PDE3B: variants seen among roughly 807,000 people sequenced by gnomAD.
PDE3B encodes cGMP-inhibited 3',5'-cyclic phosphodiesterase 3B.
Under a neutral mutation model 116.8 loss-of-function variants are expected in PDE3B, and 66 were observed. The ratio of observed to expected loss-of-function variants is 0.56; its 90% CI spans 0.46 to 0.69. PDE3B has a LOEUF of 0.69. PDE3B is among the 30% of genes least tolerant of loss of function. PDE3B has a pLI of 0.00. For missense variants in PDE3B, 1,384 were observed against 1,368.1 expected, an observed-to-expected ratio of 1.01 and a Z score of -0.18; for synonymous variants, 595 against 533.6, an observed-to-expected ratio of 1.12 and a Z score of -1.59.
chr11:14,644,022 CGCTACGGTACGAGCGG>C lies in PDE3B; in HGVS notation c.-52_-37del. 7.2e-7 allele frequency: 1 copy of C among 1,392,254 alleles called. No individual in the cohort carries two copies. The highest frequency in any genetic ancestry group is 9.2e-7 in the Non-Finnish European group (1 of 1,082,096). 86.2% of individuals were successfully genotyped at this position (1,392,254 alleles called of 1,614,324 possible). ...GTTGGGGTCTGGGAGCGCGAGCGGC[CGCTACGGTACGAGCGG>C]GGTGTGCTGAGTCCCGTGGCCACCC... On this transcript the variant is annotated 5_prime_UTR_variant, in exon 1 of 16. Coordinates refer to ENST00000282096, the MANE Select transcript of PDE3B (RefSeq NM_000922.4).
At chr11:14,713,359 A>G (rs1161718495) in intron 1 of PDE3B, among the ~76,000 whole-genome samples, 2 of 152,294 alleles carry the variant, frequency 1.3e-5, no homozygotes, top group Admixed American at 6.5e-5. Context: ...CTGAGTTTCT[A>G]TGAGAGTGTT....
chr11:14,869,502 C>G lies in PDE3B; in HGVS notation c.3181C>G (p.Leu1061Val). The change falls in exon 16 of 16, where the codon CTA (leucine) becomes GTA (valine). Residue 1061 changes from leucine (L) to valine (V), a missense_variant. This residue lies in a region of PDE3B where 428 missense variants were observed against 561.4 expected (regional missense o/e 0.76). Coordinates refer to ENST00000282096, the MANE Select transcript of PDE3B (RefSeq NM_000922.4). ...RKSRRRIFCQ[L>V]MHHLTENHKI... ...AAGCAGACGGCGAATATTTTGTCAG[C>G]TAATGCACCACCTCACTGAAAACCA... 1.2e-6 allele frequency: 2 copies of G among 1,613,140 alleles called. No individual in the cohort carries two copies. Among genetic ancestry groups the G allele is most frequent in the South Asian group, 2.2e-5 (2 of 90,958 alleles).
At chr11:14,664,599 C>T (rs190544651) in intron 1 of PDE3B, among the ~76,000 whole-genome samples, 2 of 152,224 alleles carry the variant, frequency 1.3e-5, no homozygotes, top group African/African-American at 4.8e-5. Flanking sequence ...CCACCAATCC[C>T]ACAGAAATAC....
chr11:14,760,492 A>G (rs558587017), intron 1 of PDE3B, among the ~76,000 whole-genome samples: 32 of 152,340 alleles, frequency 2.1e-4, no homozygotes, highest in Non-Finnish European at 4.3e-4. Context: ...ATTAGTAAAC[A>G]GTTCCTGTAC....
intron 1 of PDE3B, among the ~76,000 whole-genome samples, chr11:14,646,067 A>G (rs955084003): frequency 2.6e-5 from 4 of 152,208 alleles, no homozygotes; most frequent in African/African-American, 9.6e-5. Flanking sequence ...TTGAGTTTTC[A>G]GTGCTGTGTT....
At chr11:14,834,501 G>T (rs1859993470) in intron 10 of PDE3B, among the ~76,000 whole-genome samples, 1 of 152,148 alleles carries the variant, frequency 6.6e-6, no homozygotes, top group Non-Finnish European at 1.5e-5. Flanking sequence ...GATCATATAT[G>T]ATGTGTCAGA....
At chr11:14,696,265 G>A (rs1855204935) in intron 1 of PDE3B, among the ~76,000 whole-genome samples, 1 of 152,138 alleles carries the variant, frequency 6.6e-6, no homozygotes. Context: ...GATCAGTGAT[G>A]TTGAGCTGTT....
chr11:14,834,853 A>T, intron 10 of PDE3B, 129 bp from the exon 11 acceptor site: 1 of 491,618 alleles, frequency 2.0e-6, no homozygotes, highest in Non-Finnish European at 3.7e-6. Flanking sequence ...CTTTAGATGA[A>T]ATAAAATTCA....
At chr11:14,890,534 A>ATTC in the PDE3B span, 2 of 170,268 alleles carry the variant, frequency 1.2e-5, no homozygotes, top group Non-Finnish European at 1.6e-5. Flanking sequence ...ACCTAGACCA[A>ATTC]TTCTTTTTTT....
intron 14 of PDE3B, among the ~76,000 whole-genome samples, chr11:14,864,920 A>G (rs1370370737): frequency 6.6e-6 from 1 of 152,188 alleles, no homozygotes; most frequent in Non-Finnish European, 1.5e-5. Context: ...TAACGTCACA[A>G]TTAAAAGAAC....
chr11:14,861,694 C>CATA (rs1847953807), intron 14 of PDE3B, among the ~76,000 whole-genome samples: 1 of 152,158 alleles, frequency 6.6e-6, no homozygotes, highest in Non-Finnish European at 1.5e-5. Context: ...AACTGAGGGG[C>CATA]ATAAGGCAGA....
At chr11:14,701,615 A>AT (rs894713743) in intron 1 of PDE3B, among the ~76,000 whole-genome samples, 2 of 151,666 alleles carry the variant, frequency 1.3e-5, no homozygotes, top group African/African-American at 4.8e-5. Flanking sequence ...TCTTCTACTA[A>AT]TTTTTTGGCT....
At chr11:14,829,996 T>G (rs905728499) in intron 7 of PDE3B, among the ~76,000 whole-genome samples, 1 of 152,164 alleles carries the variant, frequency 6.6e-6, no homozygotes, top group Admixed American at 6.6e-5. Context: ...AGTATATACT[T>G]TTATGCCTGG....
At chr11:14,840,770 T>C (rs940040278) in intron 11 of PDE3B, among the ~76,000 whole-genome samples, 3 of 152,186 alleles carry the variant, frequency 2.0e-5, no homozygotes, top group African/African-American at 4.8e-5. Flanking sequence ...GAAAGAGACA[T>C]GGCCAGCTGA....
chr11:14,806,989 T>G (rs1178591976), intron 5 of PDE3B, among the ~76,000 whole-genome samples: 1 of 151,786 alleles, frequency 6.6e-6, no homozygotes, highest in African/African-American at 2.4e-5. Context: ...AAACCATCAT[T>G]AGCAAACCAT....
intron 7 of PDE3B, among the ~76,000 whole-genome samples, chr11:14,820,755 T>G (rs1240197091): frequency 2.6e-5 from 4 of 152,126 alleles, no homozygotes; most frequent in Admixed American, 6.6e-5. Context: ...CCACCCTCTT[T>G]CCCACCGTGT....
At chr11:14,694,201 A>G (rs1466912632) in intron 1 of PDE3B, among the ~76,000 whole-genome samples, 1 of 152,166 alleles carries the variant, frequency 6.6e-6, no homozygotes, top group East Asian at 1.9e-4. Flanking sequence ...TCTACTTCTG[A>G]TAAAGATGCT....
chr11:14,873,133 T>A (rs558176085), downstream of PDE3B, among the ~76,000 whole-genome samples: 1 of 152,278 alleles, frequency 6.6e-6, no homozygotes, highest in Non-Finnish European at 1.5e-5. Context: ...ATCAAGGAAG[T>A]CCCCTCTGCT....
chr11:14,766,816 A>G (rs762003117), intron 1 of PDE3B, among the ~76,000 whole-genome samples: 1 of 151,734 alleles, frequency 6.6e-6, no homozygotes, highest in Non-Finnish European at 1.5e-5. Context: ...CATAGTTTAC[A>G]AAACAAATAT....
Sources: allele counts gnomAD v4.1 joint callset (sites outside exome capture counted in the v4.1 genomes callset), GRCh38; gene constraint gnomAD v4.1.1; regional missense constraint gnomAD v4.1.1; transcripts MANE v1.5; gene names NCBI Gene and HGNC (gene_info 2026-07-23, HGNC 2026-07-21).